The following INSYN2B variants were observed in gnomAD, a reference collection of about 807,000 sequenced individuals.
The protein encoded by INSYN2B is inhibitory synaptic factor family member 2B, also known as protein INSYN2B.
Under a neutral mutation model 41.2 loss-of-function variants are expected in INSYN2B, and 16 were observed. The ratio of observed to expected loss-of-function variants is 0.39; its 90% CI spans 0.26 to 0.59. The LOEUF is 0.59. Ranked by LOEUF, INSYN2B falls within the 20% of genes least tolerant of loss-of-function variation. The probability of loss-of-function intolerance (pLI) is 0.57; values close to 1 mark genes in which losing one functional copy is unlikely to be tolerated. For missense variants in INSYN2B, 608 were observed against 646.4 expected (o/e 0.94, Z 0.64); for synonymous variants, 245 against 244.4 (o/e 1.00, Z -0.02).
intron 3 of INSYN2B, among the ~76,000 whole-genome samples, chr5:169,866,427 A>G (rs911182642): frequency 6.6e-6 from 1 of 152,246 alleles, no homozygotes; most frequent in Non-Finnish European, 1.5e-5. Context: ...CAAAATGAGT[A>G]GTGCCTACGC....
chr5:169,974,133 C>G (rs1246226722), intron 1 of INSYN2B, among the ~76,000 whole-genome samples: 1 of 152,138 alleles, frequency 6.6e-6, no homozygotes, highest in African/African-American at 2.4e-5. Flanking sequence ...TGAAAGCATT[C>G]TGAAGTCAAG....
At chr5:169,977,823 T>C (rs1006285443) in intron 1 of INSYN2B, among the ~76,000 whole-genome samples, 23 of 152,290 alleles carry the variant, frequency 1.5e-4, no homozygotes, top group South Asian at 1.5e-3. Flanking sequence ...CTAAAATGAA[T>C]AGGTTTTAGA....
chr5:169,975,355 A>G (rs73327852), intron 1 of INSYN2B, among the ~76,000 whole-genome samples: 2 of 152,196 alleles, frequency 1.3e-5, no homozygotes, highest in African/African-American at 4.8e-5. Context: ...CATGTTTCTC[A>G]AAGTCCAAAT....
intron 1 of INSYN2B, among the ~76,000 whole-genome samples, chr5:169,955,047 C>T (rs1339413515): frequency 1.3e-5 from 2 of 152,214 alleles, no homozygotes; most frequent in Non-Finnish European, 2.9e-5. Flanking sequence ...TCTCCACCAG[C>T]CAAGAGCAAA....
At chr5:169,953,351 G>C (rs1307080818) in intron 1 of INSYN2B, among the ~76,000 whole-genome samples, 2 of 148,540 alleles carry the variant, frequency 1.3e-5, no homozygotes, top group South Asian at 2.2e-4. Flanking sequence ...AAAAAAAAGA[G>C]AGAGAGAGAG....
At chr5:169,906,235 T>C (rs1321636335) in intron 1 of INSYN2B, among the ~76,000 whole-genome samples, 1 of 152,144 alleles carries the variant, frequency 6.6e-6, no homozygotes, top group Non-Finnish European at 1.5e-5. Context: ...ACGCAAGCTT[T>C]ACTGTCAGCT....
chr5:169,943,330 C>T (rs967758063), intron 1 of INSYN2B, among the ~76,000 whole-genome samples: 3 of 152,136 alleles, frequency 2.0e-5, no homozygotes, highest in Non-Finnish European at 4.4e-5. Flanking sequence ...GTTGATCCCA[C>T]CCTGAGATCC....
intron 1 of INSYN2B, among the ~76,000 whole-genome samples, chr5:169,957,976 C>T (rs1202311281): frequency 6.6e-6 from 1 of 152,188 alleles, no homozygotes; most frequent in Non-Finnish European, 1.5e-5. Flanking sequence ...AGAGGTCCTA[C>T]CAGCTCACCT....
At chr5:169,870,022 C>T (rs560387539) in intron 3 of INSYN2B, among the ~76,000 whole-genome samples, 5 of 152,264 alleles carry the variant, frequency 3.3e-5, no homozygotes, top group East Asian at 3.9e-4. Flanking sequence ...ATTCCGGACA[C>T]GAGCCCTTGA....
At chr5:169,901,677 TG>T (rs1581386183) in intron 1 of INSYN2B, among the ~76,000 whole-genome samples, 1 of 151,986 alleles carries the variant, frequency 6.6e-6, no homozygotes, top group East Asian at 1.9e-4. Flanking sequence ...AGAGTTGAAG[TG>T]TGAGGCGGAA....
At chr5:169,918,939 T>C (rs1020348920) in intron 1 of INSYN2B, among the ~76,000 whole-genome samples, 36 of 151,964 alleles carry the variant, frequency 2.4e-4, no homozygotes, top group African/African-American at 8.0e-4. Flanking sequence ...TAAAAGATAT[T>C]TTAGGGGCCA....
intron 1 of INSYN2B, among the ~76,000 whole-genome samples, chr5:169,919,353 G>A (rs768099152): frequency 2.0e-5 from 3 of 152,212 alleles, no homozygotes; most frequent in East Asian, 3.9e-4. Context: ...GATTTACTGC[G>A]TTGCCTTCCC....
intron 1 of INSYN2B, among the ~76,000 whole-genome samples, chr5:169,957,309 G>T (rs1581470402): frequency 6.6e-6 from 1 of 152,188 alleles, no homozygotes; most frequent in East Asian, 1.9e-4. Flanking sequence ...CATAGCATGG[G>T]GATAGTAAGA....
chr5:169,969,278 C>T (rs531323089), intron 1 of INSYN2B, among the ~76,000 whole-genome samples: 24 of 152,100 alleles, frequency 1.6e-4, no homozygotes, highest in Non-Finnish European at 3.4e-4. Context: ...AACACCATCT[C>T]TACTAAAAAT....
chr5:169,946,466 A>G (rs1340547916), intron 1 of INSYN2B, among the ~76,000 whole-genome samples: 3 of 152,208 alleles, frequency 2.0e-5, no homozygotes, highest in Non-Finnish European at 4.4e-5. Context: ...TGTTTTGGAA[A>G]TTGATCTTTA....
chr5:169,924,771 C>A (rs927636068), intron 1 of INSYN2B, among the ~76,000 whole-genome samples: 3 of 152,124 alleles, frequency 2.0e-5, no homozygotes, highest in Non-Finnish European at 4.4e-5. Context: ...CTTTTCTTTT[C>A]TTTTTTCATC....
At chr5:169,971,056 G>A (rs1289666461) in intron 1 of INSYN2B, among the ~76,000 whole-genome samples, 1 of 152,144 alleles carries the variant, frequency 6.6e-6, no homozygotes, top group Non-Finnish European at 1.5e-5. Context: ...ATGACGGGGA[G>A]AGGGAGTCAG....
At position 169,882,932 on chromosome 5, in the gene INSYN2B, G is replaced by A; in HGVS notation, c.967C>T (p.Pro323Ser). 1 of 1,551,978 alleles carries A rather than the reference G, an allele frequency of 6.4e-7. No homozygotes were observed. The highest frequency in any genetic ancestry group is 8.7e-7 in the Non-Finnish European group (1 of 1,146,990). Residue 323 changes from proline to serine, a missense_variant, in exon 2 of 4, where the codon CCA becomes TCA. Pro to Ser is a moderately conservative substitution (Grantham distance 74). Coordinates refer to ENST00000377365, the MANE Select transcript of INSYN2B (RefSeq NM_001129891.3). ...GAAGGACAGTCTGAGGCTCTTCCTG[G>A]GTGGGCTGGCTGGCTGTGGGAGCCT... ...SQGSHSQPAH[P>S]GRASDCPSSS...
At chr5:169,931,653 G>T (rs1404903861) in intron 1 of INSYN2B, among the ~76,000 whole-genome samples, 1 of 152,180 alleles carries the variant, frequency 6.6e-6, no homozygotes, top group Non-Finnish European at 1.5e-5. Flanking sequence ...GTGAAACTGG[G>T]CTAATGCTGC....
Sources: allele counts gnomAD v4.1 joint callset (sites outside exome capture counted in the v4.1 genomes callset), GRCh38; gene constraint gnomAD v4.1.1; transcripts MANE v1.5; gene names NCBI Gene and HGNC (gene_info 2026-07-23, HGNC 2026-07-21).